Variants in COL6A6 observed in about 807,000 individuals in gnomAD.
The protein encoded by COL6A6 is collagen alpha-6(VI) chain.
A neutral mutation model predicts 208.6 loss-of-function variants in COL6A6; 183 were observed. The ratio of observed to expected loss-of-function variants is 0.88; its 90% CI spans 0.78 to 0.99. The LOEUF (loss-of-function observed/expected upper bound fraction) is 0.99, where lower values mean the gene tolerates loss of function less well. COL6A6 is among the 50% of genes least tolerant of loss of function. The pLI is 0.00. For missense variants in COL6A6, 2,816 were observed against 2,815.2 expected, an observed-to-expected ratio of 1.00 and a Z score of -0.01; for synonymous variants, 973 against 1,011.8, an observed-to-expected ratio of 0.96 and a Z score of 0.73.
chr3:130,667,473 A>G (rs1349583183), intron 36 of COL6A6, among the ~76,000 whole-genome samples: 2 of 152,168 alleles, frequency 1.3e-5, no homozygotes, highest in Non-Finnish European at 2.9e-5. Flanking sequence ...TCCTGGCCTC[A>G]GGTGATCCAC....
Position 130,631,264 on chromosome 3 carries a change from C to T in COL6A6, c.4993-3326C>T, listed in dbSNP as rs1276815754. On this transcript the variant is annotated intron_variant, in intron 26 of 36. Transcript: ENST00000358511. ...TACAAACTACCATCAGAGAATACTA[C>T]AAACACCTCTATGCAAATAAACTAG... is the stretch of plus-strand genomic sequence containing the variant. 2.8e-5 allele frequency among the ~76,000 whole-genome samples: 3 copies of T among 106,704 alleles called. 1 individual carries two copies. Among genetic ancestry groups the T allele is most frequent in the Non-Finnish European group, 4.9e-5 (3 of 60,832 alleles). The allele number at this position is 106,704 out of a possible 152,430, so 70.0% of individuals were successfully genotyped here.
intron 5 of COL6A6, 144 bp downstream of exon 5, chr3:130,567,406 G>C (rs1007861221): frequency 1.5e-6 from 1 of 670,774 alleles, no homozygotes; most frequent in African/African-American, 1.8e-5. Context: ...CTAGAACAAA[G>C]CTAAGAGCCC....
rs1480143721 is a variant in COL6A6, at chr3:130,676,640, C to G, written c.*1243C>G. 1 of 152,196 alleles carries G rather than the reference C, an allele frequency of 6.6e-6. No individual in the cohort carries two copies. Among genetic ancestry groups the G allele is most frequent in the Non-Finnish European group, 1.5e-5 (1 of 68,040 alleles). The allele number at this position is 152,196 out of a possible 1,614,324, so 9.4% of individuals were successfully genotyped here. On this transcript the variant is annotated 3_prime_UTR_variant, in exon 37 of 37. Transcript: ENST00000358511. Reference sequence around the variant, plus strand: ...CACCAAGGACATTCAGATTTTCTTTCCTATACCTATTTTCATAAAATTTGG... The same window carrying G: ...CACCAAGGACATTCAGATTTTCTTTGCTATACCTATTTTCATAAAATTTGG...
Position 130,661,715 on chromosome 3 carries a change from T to C in COL6A6, c.5909T>C (p.Leu1970Pro). The change falls in exon 35 of 37, where the codon CTG becomes CCG. Residue 1970 changes from leucine to proline, a missense_variant. Transcript: ENST00000358511. ...VQSYMDAAFL[L>P]DASRNMGSAE... Reference sequence around the variant, plus strand: ...TCTTACATGGATGCTGCTTTCCTTCTGGATGCCTCCCGGAACATGGGAAGT... The same window carrying C: ...TCTTACATGGATGCTGCTTTCCTTCCGGATGCCTCCCGGAACATGGGAAGT... The C allele has an allele frequency of 6.2e-7, 1 of 1,613,972 alleles. No individual in the cohort carries two copies. The highest frequency in any genetic ancestry group is 2.2e-5 in the East Asian group (1 of 44,880).
At chr3:130,646,661 T>C (rs187349822) in intron 32 of COL6A6, among the ~76,000 whole-genome samples, 3 of 152,298 alleles carry the variant, frequency 2.0e-5, no homozygotes, top group African/African-American at 7.2e-5. Context: ...CAGACCTGGG[T>C]ATTTCCTAGG....
intron 33 of COL6A6, among the ~76,000 whole-genome samples, chr3:130,651,273 A>C (rs1439403455): frequency 6.6e-6 from 1 of 152,068 alleles, no homozygotes; most frequent in Non-Finnish European, 1.5e-5. Flanking sequence ...TAAAAATACT[A>C]AAATTAGCCA....
intron 34 of COL6A6, among the ~76,000 whole-genome samples, chr3:130,660,813 A>G (rs2065913615): frequency 6.6e-6 from 1 of 152,222 alleles, no homozygotes; most frequent in Non-Finnish European, 1.5e-5. Flanking sequence ...CTGACTTCCT[A>G]TATAGAAACT....
chr3:130,599,244 A>G (rs1029016991), intron 19 of COL6A6, among the ~76,000 whole-genome samples: 4 of 152,228 alleles, frequency 2.6e-5, no homozygotes, highest in African/African-American at 9.7e-5. Flanking sequence ...TAAGTCCCAT[A>G]GAAGACTCAT....
Position 130,676,425 on chromosome 3 carries a change from GTCC to G in COL6A6, c.*1031_*1033del, listed in dbSNP as rs2066359090. 1 of 152,166 alleles carries G rather than the reference GTCC, an allele frequency of 6.6e-6. No individual in the cohort carries two copies. The highest frequency in any genetic ancestry group is 1.5e-5 in the Non-Finnish European group (1 of 68,032). The allele number at this position is 152,166 out of a possible 1,614,324, so 9.4% of individuals were successfully genotyped here. ...GTTTTATAAAAGTATTGATGGCTGT[GTCC>G]TCATCTGCATTTTTGTTTTTATGAT... On this transcript the variant is annotated 3_prime_UTR_variant, in exon 37 of 37. Transcript: ENST00000358511.
chr3:130,546,533 T>G (rs2062502438), intron 1 of COL6A6, among the ~76,000 whole-genome samples: 1 of 152,244 alleles, frequency 6.6e-6, no homozygotes, highest in South Asian at 2.1e-4. Flanking sequence ...TCAGGCAGCC[T>G]GCGTTTATTC....
intron 34 of COL6A6, 35 bp downstream of exon 34, chr3:130,658,807 C>G: frequency 6.7e-7 from 1 of 1,492,384 alleles, no homozygotes; most frequent in Non-Finnish European, 9.3e-7. Context: ...TTTGGTCAGG[C>G]CTATTAAGCA....
chr3:130,664,539 C>T (rs990342693), intron 35 of COL6A6, among the ~76,000 whole-genome samples: 10 of 152,146 alleles, frequency 6.6e-5, no homozygotes, highest in Admixed American at 2.0e-4. Flanking sequence ...TAATACACTT[C>T]CAAATGAAAT....
chr3:130,597,152 A>G (rs1025490362), intron 18 of COL6A6, among the ~76,000 whole-genome samples: 5 of 152,148 alleles, frequency 3.3e-5, no homozygotes, highest in Non-Finnish European at 5.9e-5. Flanking sequence ...ACTTTACGTG[A>G]CCTTCCTTTT....
intron 1 of COL6A6, among the ~76,000 whole-genome samples, chr3:130,555,473 A>G (rs866876808): frequency 6.6e-6 from 1 of 151,898 alleles, no homozygotes; most frequent in African/African-American, 2.4e-5. Context: ...TTGCTAACAA[A>G]TGATCCCCTG....
chr3:130,589,656 G>T (rs1432135978), intron 12 of COL6A6, among the ~76,000 whole-genome samples: 1 of 152,066 alleles, frequency 6.6e-6, no homozygotes, highest in Non-Finnish European at 1.5e-5. Flanking sequence ...TCTTAAGCCA[G>T]GTCAAAATGT....
chr3:130,590,541 A>G (rs2063682772), intron 12 of COL6A6, among the ~76,000 whole-genome samples: 1 of 131,464 alleles, frequency 7.6e-6, no homozygotes, highest in South Asian at 2.3e-4. Context: ...ATTCCCACCT[A>G]TGAGTGAGAA....
chr3:130,654,976 G>A (rs2065749513), intron 33 of COL6A6, among the ~76,000 whole-genome samples: 1 of 152,134 alleles, frequency 6.6e-6, no homozygotes, highest in Non-Finnish European at 1.5e-5. Flanking sequence ...CACAGGAGTG[G>A]TTGGTGGGTT....
chr3:130,604,545 G>C (rs1035718476), intron 20 of COL6A6, among the ~76,000 whole-genome samples: 8 of 151,582 alleles, frequency 5.3e-5, no homozygotes, highest in African/African-American at 1.7e-4. Context: ...GGTGCTATGC[G>C]ATCGTTTCTA....
At chr3:130,592,398 C>T (rs2063739067) in intron 13 of COL6A6, 143 bp from the exon 14 acceptor site, 1 of 656,508 alleles carries the variant, frequency 1.5e-6, no homozygotes, top group South Asian at 2.0e-5. Context: ...TTTATTTCTA[C>T]TCTTAGTTTT....
Sources: gnomAD v4.1 joint callset for allele counts (sites outside exome capture counted in the v4.1 genomes callset) on GRCh38, gnomAD v4.1.1 for gene constraint, MANE v1.5 for transcripts, NCBI Gene and HGNC (gene_info 2026-07-23, HGNC 2026-07-21) for gene names.